Variants in TSHZ3 observed in about 807,000 individuals in gnomAD.
TSHZ3 encodes teashirt homolog 3.
Under a neutral mutation model 64.5 loss-of-function variants are expected in TSHZ3, and 10 were observed. That is an observed-to-expected ratio of 0.16 (90% CI 0.10 to 0.26). The LOEUF (loss-of-function observed/expected upper bound fraction) is 0.26, where lower values mean the gene tolerates loss of function less well. TSHZ3 is among the 10% of genes least tolerant of loss of function. The probability of loss-of-function intolerance (pLI) is 1.00; values close to 1 mark genes in which losing one functional copy is unlikely to be tolerated. For missense variants in TSHZ3, 1,242 were observed against 1,421.7 expected (o/e 0.87, Z 2.03); for synonymous variants, 608 against 593.1 (o/e 1.03, Z -0.36).
At chr19:31,295,028 C>G (rs1217054432) in intron 1 of TSHZ3, among the ~76,000 whole-genome samples, 1 of 152,096 alleles carries the variant, frequency 6.6e-6, no homozygotes, top group Non-Finnish European at 1.5e-5. Context: ...AGCCCCTCAA[C>G]AATAACAAAA....
At chr19:31,167,275 AT>A (rs1974467968) in intron 5 of TSHZ3, among the ~76,000 whole-genome samples, 1 of 152,202 alleles carries the variant, frequency 6.6e-6, no homozygotes, top group Non-Finnish European at 1.5e-5. Context: ...CTGCTTAATG[AT>A]TTTGTATTTC....
intron 1 of TSHZ3, among the ~76,000 whole-genome samples, chr19:31,337,713 C>A (rs1207346562): frequency 1.7e-5 from 2 of 115,552 alleles, no homozygotes; most frequent in African/African-American, 9.4e-5. Flanking sequence ...AAAGTTATTT[C>A]AAAATAAACA....
chr19:31,197,472 A>G (rs929500543), intron 5 of TSHZ3, among the ~76,000 whole-genome samples: 1 of 151,754 alleles, frequency 6.6e-6, no homozygotes, highest in African/African-American at 2.4e-5. Context: ...AAGAGAAATC[A>G]ATGAAATTGA....
chr19:31,212,350 C>T (rs889418297), intron 4 of TSHZ3, among the ~76,000 whole-genome samples: 4 of 151,886 alleles, frequency 2.6e-5, no homozygotes, highest in Non-Finnish European at 4.4e-5. Context: ...TCCAGCTACT[C>T]GGGAGGCTGA....
At chr19:31,152,152 A>G (rs1599549101) in intron 6 of TSHZ3, among the ~76,000 whole-genome samples, 1 of 152,136 alleles carries the variant, frequency 6.6e-6, no homozygotes, top group Admixed American at 6.5e-5. Context: ...GAAAAGAAAA[A>G]AAATCGCACC....
chr19:31,347,638 C>G (rs2021556650), intron 1 of TSHZ3, among the ~76,000 whole-genome samples: 1 of 152,088 alleles, frequency 6.6e-6, no homozygotes, highest in Admixed American at 6.5e-5. Context: ...ACTAGGGAGG[C>G]GGCAAGCTCC....
chr19:31,331,107 G>A (rs1266410684), intron 1 of TSHZ3, among the ~76,000 whole-genome samples: 1 of 152,136 alleles, frequency 6.6e-6, no homozygotes, highest in African/African-American at 2.4e-5. Flanking sequence ...AGGACTGAAG[G>A]AGGGAAACGG....
intron 5 of TSHZ3, among the ~76,000 whole-genome samples, chr19:31,158,199 C>T (rs569457709): frequency 8.4e-4 from 128 of 152,300 alleles, no homozygotes; most frequent in African/African-American, 3.1e-3. Context: ...CTACTGAACA[C>T]TCGACATGTG....
intron 3 of TSHZ3, among the ~76,000 whole-genome samples, chr19:31,238,979 C>A (rs1203063863): frequency 6.6e-6 from 1 of 151,992 alleles, no homozygotes; most frequent in Non-Finnish European, 1.5e-5. Context: ...TTCCTGTATT[C>A]TTTGATAAAT....
intron 1 of TSHZ3, among the ~76,000 whole-genome samples, chr19:31,320,411 C>T (rs1916733646): frequency 6.6e-6 from 1 of 152,202 alleles, no homozygotes; most frequent in Non-Finnish European, 1.5e-5. Context: ...TTTTACTGCT[C>T]TAAAATATTC....
At chr19:31,153,622 T>A (rs941418973) in intron 6 of TSHZ3, among the ~76,000 whole-genome samples, 1 of 152,236 alleles carries the variant, frequency 6.6e-6, no homozygotes, top group Non-Finnish European at 1.5e-5. Flanking sequence ...TAAATTAAAC[T>A]TTTTGTTGTT....
At chr19:31,207,573 A>G (rs1056328891) in intron 4 of TSHZ3, 7 of 152,206 alleles carry the variant, frequency 4.6e-5, no homozygotes, top group Non-Finnish European at 7.3e-5. Context: ...CTGAGTTTAT[A>G]TAAGGGAAAA....
chr19:31,220,386 T>C (rs530363478), intron 4 of TSHZ3, among the ~76,000 whole-genome samples: 1 of 152,316 alleles, frequency 6.6e-6, no homozygotes, highest in South Asian at 2.1e-4. Context: ...AAGAGATGAA[T>C]AAGTGAAGGG....
At chr19:31,336,650 G>T (rs958377671) in intron 1 of TSHZ3, among the ~76,000 whole-genome samples, 4 of 152,176 alleles carry the variant, frequency 2.6e-5, no homozygotes, top group Non-Finnish European at 5.9e-5. Context: ...TCTCACTCCA[G>T]TTCTTCGGGG....
At chr19:31,150,358 G>T (rs926348938) in exon 7 of TSHZ3, among the ~76,000 whole-genome samples, 3 of 152,224 alleles carry the variant, frequency 2.0e-5, no homozygotes, top group African/African-American at 4.8e-5. Context: ...ACCTCTGGGT[G>T]CCTGCTCATC....
intron 6 of TSHZ3, among the ~76,000 whole-genome samples, chr19:31,153,529 C>T (rs985663201): frequency 4.6e-5 from 7 of 152,188 alleles, no homozygotes; most frequent in African/African-American, 1.7e-4. Context: ...GTTTGTTGAA[C>T]AGACATGTTC....
At chr19:31,266,546 C>T (rs558730431) in intron 1 of TSHZ3, among the ~76,000 whole-genome samples, 3 of 152,206 alleles carry the variant, frequency 2.0e-5, no homozygotes, top group African/African-American at 4.8e-5. Flanking sequence ...GATTCACCTA[C>T]GAGCCCATTA....
intron 5 of TSHZ3, among the ~76,000 whole-genome samples, chr19:31,187,271 G>A (rs1045106632): frequency 1.3e-5 from 2 of 152,168 alleles, no homozygotes; most frequent in African/African-American, 2.4e-5. Flanking sequence ...CACACCATAT[G>A]TAACCTTTTG....
intron 1 of TSHZ3, among the ~76,000 whole-genome samples, chr19:31,288,582 G>A (rs552492691): frequency 2.0e-4 from 31 of 152,138 alleles, no homozygotes; most frequent in East Asian, 1.6e-3. Flanking sequence ...CTGCTCTGTC[G>A]CCCAGCCTGG....
Sources: gnomAD v4.1 joint callset for allele counts (sites outside exome capture counted in the v4.1 genomes callset) on GRCh38, gnomAD v4.1.1 for gene constraint, MANE v1.5 for transcripts, NCBI Gene and HGNC (gene_info 2026-07-23, HGNC 2026-07-21) for gene names.